Variants in LINGO2 observed in about 807,000 individuals in gnomAD.
The protein encoded by LINGO2 is leucine-rich repeat and immunoglobulin-like domain-containing nogo receptor-interacting protein 2.
In LINGO2, 14 loss-of-function variants were observed where a neutral mutation model predicts 30.6. The ratio of observed to expected loss-of-function variants is 0.46; its 90% confidence interval spans 0.30 to 0.72. The LOEUF (loss-of-function observed/expected upper bound fraction) is 0.72, where lower values mean the gene tolerates loss of function less well. Ranked by LOEUF, LINGO2 falls within the 30% of genes least tolerant of loss-of-function variation. The pLI, the probability that LINGO2 is intolerant of heterozygous loss-of-function variation, is 0.07. For synonymous variants in LINGO2, 317 were observed against 288.5 expected (o/e 1.10, Z -1.00); for missense variants, 729 against 751.7 (o/e 0.97, Z 0.35).
chr9:28,436,890 G>A (rs1205703024), intron 2 of LINGO2, among the ~76,000 whole-genome samples: 3 of 152,176 alleles, frequency 2.0e-5, no homozygotes, highest in African/African-American at 7.2e-5. Flanking sequence ...AACGGTTCCT[G>A]GAGCCTTGAA....
At chr9:28,562,992 G>A (rs13286960) in intron 1 of LINGO2, among the ~76,000 whole-genome samples, 15,072 of 151,930 alleles carry the variant, frequency 0.099, 981 homozygotes, top group East Asian at 0.26. Flanking sequence ...GACAACAGGC[G>A]CATGCGACCA....
intron 1 of LINGO2, among the ~76,000 whole-genome samples, chr9:28,668,064 AT>A (rs914524475): frequency 1.6e-4 from 24 of 151,724 alleles, no homozygotes; most frequent in East Asian, 9.7e-4. Flanking sequence ...AATATCATGG[AT>A]TTTTTTTTAA....
the LINGO2 span, among the ~76,000 whole-genome samples, chr9:28,727,338 T>G: frequency 6.6e-6 from 1 of 151,994 alleles, no homozygotes; most frequent in African/African-American, 2.4e-5. Flanking sequence ...CAGGCTGGAA[T>G]GCAGTGGTGC....
At position 28,094,528 on chromosome 9, in the gene LINGO2, T is replaced by TGA. The variant is rs748059897; in HGVS notation, c.-86-82125_-86-82124dup. Among the ~76,000 whole-genome samples, 494 of 150,394 alleles carry TGA rather than the reference T, an allele frequency of 3.3e-3. 2 individuals carry two copies. Among genetic ancestry groups the TGA allele is most frequent in the Non-Finnish European group, 2.8e-3 (186 of 67,416 alleles). ...GAAAGGGGATATGTGTGTGTGTGTG[T>TGA]GAGAGAGAGAGAGAGAGAGAGTAAA... is the stretch of plus-strand genomic sequence containing the variant. On this transcript the variant is annotated intron_variant, in intron 4 of 5. Transcript: ENST00000379992.
At chr9:28,743,102 A>G in the LINGO2 span, among the ~76,000 whole-genome samples, 1 of 152,056 alleles carries the variant, frequency 6.6e-6, no homozygotes, top group Non-Finnish European at 1.5e-5. Flanking sequence ...TTGTAAGGCA[A>G]GTCTGCTAGC....
chr9:28,752,756 A>C, the LINGO2 span, among the ~76,000 whole-genome samples: 25 of 152,082 alleles, frequency 1.6e-4, no homozygotes, highest in East Asian at 4.8e-3. Context: ...TCTTAAACAT[A>C]AAGCACCAAA....
intron 2 of LINGO2, among the ~76,000 whole-genome samples, chr9:28,388,741 C>A (rs908777969): frequency 6.6e-6 from 1 of 152,044 alleles, no homozygotes; most frequent in Non-Finnish European, 1.5e-5. Context: ...AGTTGATATT[C>A]CTTGAAGCTT....
chr9:28,423,813 T>G (rs1434061212), intron 2 of LINGO2, among the ~76,000 whole-genome samples: 2 of 152,150 alleles, frequency 1.3e-5, no homozygotes, highest in Non-Finnish European at 1.5e-5. Flanking sequence ...AATATCTAAA[T>G]CTTTGTTCGT....
the LINGO2 span, among the ~76,000 whole-genome samples, chr9:28,705,136 C>T: frequency 2.8e-4 from 42 of 151,996 alleles, 1 homozygote; most frequent in African/African-American, 8.7e-4. Context: ...AGGTTGGTCT[C>T]GAACTCTTGA....
At chr9:28,158,990 C>T (rs1587108809) in intron 4 of LINGO2, among the ~76,000 whole-genome samples, 1 of 152,046 alleles carries the variant, frequency 6.6e-6, no homozygotes, top group East Asian at 1.9e-4. Flanking sequence ...TAGAGTAGAA[C>T]AATAAAAGCC....
chr9:28,605,058 GTAC>G (rs1825643507), intron 1 of LINGO2, among the ~76,000 whole-genome samples: 2 of 151,906 alleles, frequency 1.3e-5, no homozygotes, highest in African/African-American at 2.4e-5. Flanking sequence ...CACTAAACTT[GTAC>G]TCTACAGTAT....
intron 4 of LINGO2, among the ~76,000 whole-genome samples, chr9:28,252,374 CAT>C (rs1822233426): frequency 6.6e-6 from 1 of 151,942 alleles, no homozygotes; most frequent in Non-Finnish European, 1.5e-5. Context: ...TACAGGCACG[CAT>C]CACTATGCCT....
intron 5 of LINGO2, among the ~76,000 whole-genome samples, chr9:27,986,649 G>A (rs1821138051): frequency 6.6e-6 from 1 of 151,850 alleles, no homozygotes; most frequent in Admixed American, 6.6e-5. Context: ...GGGAAGGTAG[G>A]TGCAAACAGA....
the LINGO2 span, among the ~76,000 whole-genome samples, chr9:29,154,449 C>CAAAAAAA: frequency 1.0e-5 from 1 of 95,526 alleles, no homozygotes; most frequent in African/African-American, 4.4e-5. Flanking sequence ...GACTCCGTCT[C>CAAAAAAA]AAAAAAAAAA....
intron 1 of LINGO2, among the ~76,000 whole-genome samples, chr9:28,542,232 G>C (rs1172844344): frequency 6.6e-6 from 1 of 151,480 alleles, no homozygotes; most frequent in African/African-American, 2.4e-5. Context: ...GGATGGGTAA[G>C]AGGTACAGCA....
the LINGO2 span, chr9:27,939,082 A>G: frequency 6.6e-6 from 1 of 152,210 alleles, no homozygotes; most frequent in Non-Finnish European, 1.5e-5. Flanking sequence ...CAATTTGGAA[A>G]CCAACTCAAG....
chr9:27,950,375 T>C (rs1317181002), exon 6 of LINGO2: 1 of 1,614,036 alleles, frequency 6.2e-7, no homozygotes, highest in African/African-American at 1.3e-5. Context: ...TGTTGAATGC[T>C]CCTGGTTCCA....
chr9:29,163,649 G>T, the LINGO2 span, among the ~76,000 whole-genome samples: 3 of 152,152 alleles, frequency 2.0e-5, no homozygotes, highest in African/African-American at 4.8e-5. Flanking sequence ...TAATACAGAA[G>T]AAGGTTCTAA....
Position 27,957,204 on chromosome 9 carries a change from C to G in LINGO2, c.-35-6498G>C, listed in dbSNP as rs141994758. On this transcript the variant is annotated intron_variant, in intron 5 of 5. Transcript: ENST00000379992. ...TGACCGTATATGCACATCTCCATTTCTCTTTTCTATTCTGCTCCACCAGAA... is the reference window on the plus strand; with the variant it reads ...TGACCGTATATGCACATCTCCATTTGTCTTTTCTATTCTGCTCCACCAGAA... Among the ~76,000 whole-genome samples, 900 of 152,310 alleles carry G rather than the reference C, an allele frequency of 5.9e-3. 7 individuals are homozygous for G. The highest frequency in any genetic ancestry group is 0.021 in the African/African-American group (858 of 41,570).
Sources: allele counts gnomAD v4.1 joint callset (sites outside exome capture counted in the v4.1 genomes callset), GRCh38; gene constraint gnomAD v4.1.1; transcripts MANE v1.5; gene names NCBI Gene and HGNC (gene_info 2026-07-23, HGNC 2026-07-21).